Variants in DNAH5 observed in about 807,000 individuals in gnomAD.
DNAH5 encodes axonemal beta dynein heavy chain 5.
DNAH5 carries 372 observed loss-of-function variants against 518.2 expected under a neutral mutation model. That is an observed-to-expected ratio of 0.72 (90% CI 0.66 to 0.78). The LOEUF is 0.78. Ranked by LOEUF, DNAH5 falls within the 30% of genes least tolerant of loss-of-function variation. The pLI is 0.00. For synonymous variants in DNAH5, 2,039 were observed against 2,025.9 expected, an observed-to-expected ratio of 1.01 and a Z score of -0.17; for missense variants, 5,523 against 5,687.0, an observed-to-expected ratio of 0.97 and a Z score of 0.93.
intron 21 of DNAH5, among the ~76,000 whole-genome samples, chr5:13,882,251 T>G (rs1027921638): frequency 1.3e-5 from 2 of 152,094 alleles, no homozygotes; most frequent in African/African-American, 4.8e-5. Flanking sequence ...AATACCAATA[T>G]TTCTCTAGCA....
chr5:13,859,353 T>C lies in DNAH5; in HGVS notation c.4950+99A>G, dbSNP rs1374258039. On this transcript the variant is annotated intron_variant, in intron 30 of 78. Coordinates refer to ENST00000265104, the MANE Select transcript of DNAH5 (RefSeq NM_001369.3). ...CAACAAAAAGATTGAAGGAAGGGGGTTCAATAGAAGTGGAATATTATTGCA... is the reference window on the plus strand; with the variant it reads ...CAACAAAAAGATTGAAGGAAGGGGGCTCAATAGAAGTGGAATATTATTGCA... 8.6e-6 allele frequency: 11 copies of C among 1,280,986 alleles called. No homozygotes were observed. The East Asian group carries it at 2.6e-4, about 30-fold the overall frequency. 79.4% of individuals were successfully genotyped at this position (1,280,986 alleles called of 1,614,324 possible).
chr5:14,006,785 A>G (rs1784748616), intron 1 of DNAH5, among the ~76,000 whole-genome samples: 1 of 152,200 alleles, frequency 6.6e-6, no homozygotes, highest in Non-Finnish European at 1.5e-5. Context: ...CTAAATTCTA[A>G]GTGCTGTGGG....
chr5:13,953,225 C>T (rs1780549564), intron 1 of DNAH5, among the ~76,000 whole-genome samples: 1 of 152,176 alleles, frequency 6.6e-6, no homozygotes, highest in Non-Finnish European at 1.5e-5. Flanking sequence ...ACCAACATCA[C>T]AACTTCTTGA....
chr5:13,873,672 ATTTATTTT>A (rs1770461054), intron 22 of DNAH5, among the ~76,000 whole-genome samples: 2 of 151,766 alleles, frequency 1.3e-5, no homozygotes, highest in African/African-American at 4.8e-5. Context: ...TTATTTATTT[ATTTATTTT>A]TGTAGAGACG....
intron 30 of DNAH5, among the ~76,000 whole-genome samples, chr5:13,855,150 T>C (rs1267961363): frequency 6.6e-6 from 1 of 152,042 alleles, no homozygotes; most frequent in East Asian, 1.9e-4. Flanking sequence ...TCACTCAATA[T>C]GAAAAGTAAA....
chr5:13,796,860 C>T (rs953951049), intron 47 of DNAH5, among the ~76,000 whole-genome samples: 1 of 152,072 alleles, frequency 6.6e-6, no homozygotes, highest in South Asian at 2.1e-4. Flanking sequence ...GAGAGATAGA[C>T]CAATGGAACA....
rs1333029257 is a variant in DNAH5 at position 13,700,866 on chromosome 5, T to C, written c.13497A>G (p.Ile4499Met). Residue 4499 changes from isoleucine (I) to methionine (M), a missense_variant, in exon 78 of 79, where the codon ATA becomes ATG. Ile to Met is a conservative substitution (Grantham distance 10). This residue lies in a region of DNAH5 where 387 missense variants were observed against 430.0 expected (regional missense o/e 0.90). Transcript: ENST00000265104. ...QGFLTAMRQE[I>M]TRANKGWALD... ...GAGCCCAGCCTTTGTTGGCCCGAGT[T>C]ATTTCCTATTCAGGGCAGCAAAAGA... The C allele has an allele frequency of 6.2e-7, 1 of 1,614,152 alleles. No individual in the cohort carries two copies. Among genetic ancestry groups the C allele is most frequent in the African/African-American group, 1.3e-5 (1 of 75,040 alleles).
At chr5:13,953,275 G>A (rs1560999879) in intron 1 of DNAH5, among the ~76,000 whole-genome samples, 1 of 151,142 alleles carries the variant, frequency 6.6e-6, no homozygotes, top group Non-Finnish European at 1.5e-5. Context: ...AAGTGAATGT[G>A]TATATATATA....
intron 56 of DNAH5, among the ~76,000 whole-genome samples, chr5:13,770,496 T>C (rs1471427567): frequency 2.6e-5 from 4 of 151,600 alleles, no homozygotes; most frequent in Admixed American, 2.0e-4. Context: ...TAGAGGAGGG[T>C]TTCCCAACCT....
intron 28 of DNAH5, among the ~76,000 whole-genome samples, chr5:13,864,119 C>T (rs1358532994): frequency 6.6e-6 from 1 of 152,200 alleles, no homozygotes; most frequent in Non-Finnish European, 1.5e-5. Flanking sequence ...GAACAACATA[C>T]ATTTTATTCA....
At chr5:13,852,644 G>A (rs191518763) in intron 30 of DNAH5, among the ~76,000 whole-genome samples, 1 of 152,178 alleles carries the variant, frequency 6.6e-6, no homozygotes. Context: ...TGGCAGCACA[G>A]CAGTCTGAAG....
Position 13,921,959 on chromosome 5 carries a change from T to A in DNAH5, c.660+148A>T, listed in dbSNP as rs114420410. 3.4e-3 allele frequency: 2,613 copies of A among 776,332 alleles called. 47 individuals carry two copies. In the African/African-American group the frequency reaches 0.038, roughly 11 times the overall value. The allele number at this position is 776,332 out of a possible 1,614,324, so 48.1% of individuals were successfully genotyped here. The stretch of plus-strand genomic sequence containing the variant: ...ATTTAAATCTAATCACCACCACATC[T>A]TGAAGGAGCAATAAAATTGCCTACA... On this transcript the variant is annotated intron_variant, in intron 5 of 78. Coordinates refer to ENST00000265104, the MANE Select transcript of DNAH5 (RefSeq NM_001369.3).
At chr5:13,971,251 T>C (rs1781846030) in intron 1 of DNAH5, among the ~76,000 whole-genome samples, 1 of 152,194 alleles carries the variant, frequency 6.6e-6, no homozygotes, top group Non-Finnish European at 1.5e-5. Context: ...TTATAATTGA[T>C]CTTCTGAATT....
At chr5:13,829,812 G>T in intron 37 of DNAH5, 108 bp from the exon 38 acceptor site, 1 of 1,237,392 alleles carries the variant, frequency 8.1e-7, no homozygotes, top group East Asian at 2.4e-5. Context: ...GACAACCAGG[G>T]AACTCATTTA....
chr5:13,950,567 C>T (rs113299066), intron 1 of DNAH5, among the ~76,000 whole-genome samples: 10 of 152,180 alleles, frequency 6.6e-5, no homozygotes, highest in Non-Finnish European at 1.2e-4. Flanking sequence ...AGAGCCACCA[C>T]ACCCAGCCGT....
intron 55 of DNAH5, among the ~76,000 whole-genome samples, chr5:13,771,879 G>C (rs1484214324): frequency 6.6e-6 from 1 of 152,238 alleles, no homozygotes; most frequent in East Asian, 1.9e-4. Context: ...GGCTTAAAAA[G>C]GCAAAGACAT....
chr5:13,820,241 T>C lies in DNAH5; in HGVS notation c.6841+105A>G, dbSNP rs1762036412. 17 of 1,179,470 alleles carry C rather than the reference T, an allele frequency of 1.4e-5. No individual in the cohort carries two copies. In the Admixed American group the frequency reaches 3.2e-4, roughly 22 times the overall value. 73.1% of individuals were successfully genotyped at this position (1,179,470 alleles called of 1,614,324 possible). On this transcript the variant is annotated intron_variant, in intron 41 of 78. Coordinates refer to ENST00000265104, the MANE Select transcript of DNAH5 (RefSeq NM_001369.3). ...ATTAATAAAGCAGTATTTCCTCCTA[T>C]AAAAATATATTATTGTATCTGCCTG...
rs567278161 is a variant in DNAH5 at position 13,900,544 on chromosome 5, A to G, written c.2053-132T>C. The G allele has an allele frequency of 1.1e-4, 82 of 757,408 alleles. 2 individuals are homozygous for G. The South Asian group carries it at 1.2e-3, about 11-fold the overall frequency. The allele number at this position is 757,408 out of a possible 1,614,324, so 46.9% of individuals were successfully genotyped here. A position where few individuals can be genotyped will look rare whatever the true frequency, so the allele number is the denominator to read the frequency against. Reference sequence around the variant, plus strand: ...TTGAGCTTCCTAAATTAAGGGCAATAAGATCACTCACTCTTCTCCTAAATC... The same window carrying G: ...TTGAGCTTCCTAAATTAAGGGCAATGAGATCACTCACTCTTCTCCTAAATC... On this transcript the variant is annotated intron_variant, in intron 14 of 78. Transcript: ENST00000265104.
chr5:13,720,599 C>A (rs758068216), intron 71 of DNAH5, among the ~76,000 whole-genome samples: 1 of 152,062 alleles, frequency 6.6e-6, no homozygotes, highest in African/African-American at 2.4e-5. Context: ...GTCTTGAACT[C>A]CTGAGCTCAA....
Sources: allele counts gnomAD v4.1 joint callset (sites outside exome capture counted in the v4.1 genomes callset), GRCh38; gene constraint gnomAD v4.1.1; regional missense constraint gnomAD v4.1.1; transcripts MANE v1.5; gene names NCBI Gene and HGNC (gene_info 2026-07-23, HGNC 2026-07-21).